Variants in PDE10A observed in about 807,000 individuals in gnomAD.
The protein encoded by PDE10A is cAMP and cAMP-inhibited cGMP 3',5'-cyclic phosphodiesterase 10A.
A neutral mutation model predicts 97.7 loss-of-function variants in PDE10A; 39 were observed. The ratio of observed to expected loss-of-function variants is 0.40; its 90% CI spans 0.31 to 0.52. PDE10A has a LOEUF of 0.52. Among genes scored for constraint, PDE10A ranks in the 20% least tolerant of loss-of-function variants. The pLI is 0.56. For missense variants in PDE10A, 731 were observed against 1,047.8 expected (o/e 0.70, Z 4.17); for synonymous variants, 371 against 376.8 (o/e 0.98, Z 0.18).
intron 1 of PDE10A, among the ~76,000 whole-genome samples, chr6:165,578,366 T>G (rs1465574333): frequency 6.6e-6 from 1 of 152,152 alleles, no homozygotes; most frequent in Non-Finnish European, 1.5e-5. Flanking sequence ...GAAGCACTGT[T>G]GACTGTTACA....
At chr6:165,664,905 TAC>T (rs747664963), upstream of PDE10A, among the ~76,000 whole-genome samples, 3 of 152,232 alleles carry the variant, frequency 2.0e-5, no homozygotes, top group Non-Finnish European at 4.4e-5. Context: ...CAAGAAAATA[TAC>T]ATTTAACTTG....
chr6:165,638,629 A>G (rs979557726), intron 1 of PDE10A, among the ~76,000 whole-genome samples: 2 of 152,212 alleles, frequency 1.3e-5, no homozygotes, highest in African/African-American at 4.8e-5. Context: ...TAAAATTTTA[A>G]AAAAGGATAT....
At chr6:165,869,068 T>C (rs993715854) in intron 1 of PDE10A, among the ~76,000 whole-genome samples, 12 of 152,098 alleles carry the variant, frequency 7.9e-5, no homozygotes, top group African/African-American at 2.9e-4. Flanking sequence ...ATCACCACTC[T>C]TATTCAACAT....
chr6:165,888,615 G>A (rs941882040), intron 1 of PDE10A, among the ~76,000 whole-genome samples: 4 of 152,104 alleles, frequency 2.6e-5, no homozygotes, highest in Admixed American at 1.3e-4. Flanking sequence ...TGCCTTCTGC[G>A]GGAATGTAAC....
At chr6:165,766,041 A>G (rs1777842206) in intron 1 of PDE10A, among the ~76,000 whole-genome samples, 1 of 152,188 alleles carries the variant, frequency 6.6e-6, no homozygotes, top group African/African-American at 2.4e-5. Context: ...GTAAAATACA[A>G]ACAGGTAGAG....
intron 1 of PDE10A, among the ~76,000 whole-genome samples, chr6:165,582,244 T>G (rs1019269720): frequency 6.6e-6 from 1 of 152,174 alleles, no homozygotes; most frequent in Non-Finnish European, 1.5e-5. Context: ...AACAGCATAT[T>G]TCTCTATGTA....
At chr6:165,668,718 AAGAG>A (rs1002287543) in intron 1 of PDE10A, among the ~76,000 whole-genome samples, 24 of 150,406 alleles carry the variant, frequency 1.6e-4, no homozygotes, top group East Asian at 4.0e-4. Flanking sequence ...AAAAGAAAGA[AAGAG>A]AGAGAGAAAG....
intron 1 of PDE10A, among the ~76,000 whole-genome samples, chr6:165,547,362 T>G (rs962895411): frequency 6.6e-6 from 1 of 152,116 alleles, no homozygotes; most frequent in Non-Finnish European, 1.5e-5. Context: ...GACTGAATGA[T>G]CAGGGTAAGT....
At chr6:165,551,657 G>A (rs1583523775) in intron 1 of PDE10A, among the ~76,000 whole-genome samples, 1 of 152,300 alleles carries the variant, frequency 6.6e-6, no homozygotes, top group Non-Finnish European at 1.5e-5. Context: ...AGGCCAGACT[G>A]CCTTGTGTTT....
chr6:165,517,193 T>A (rs142015259), intron 2 of PDE10A, among the ~76,000 whole-genome samples: 101 of 152,274 alleles, frequency 6.6e-4, no homozygotes, highest in African/African-American at 2.4e-3. Flanking sequence ...TTAATTTAAT[T>A]AGAAAACTAG....
intron 1 of PDE10A, among the ~76,000 whole-genome samples, chr6:165,769,598 A>G (rs1777950847): frequency 1.3e-5 from 2 of 152,214 alleles, no homozygotes; most frequent in African/African-American, 4.8e-5. Flanking sequence ...AAATTCAACA[A>G]AAGTTTAATT....
At chr6:165,362,283 C>T (rs1416010349) in intron 18 of PDE10A, among the ~76,000 whole-genome samples, 1 of 151,942 alleles carries the variant, frequency 6.6e-6, no homozygotes, top group African/African-American at 2.4e-5. Context: ...AACTGACAAA[C>T]TTTTAAGCTA....
chr6:165,813,183 T>C (rs540749646), intron 1 of PDE10A, among the ~76,000 whole-genome samples: 1 of 152,302 alleles, frequency 6.6e-6, no homozygotes, highest in South Asian at 2.1e-4. Flanking sequence ...TAGACCTTGG[T>C]CTAGATGAGC....
chr6:165,782,280 A>G (rs1365739408), intron 1 of PDE10A, among the ~76,000 whole-genome samples: 3 of 152,232 alleles, frequency 2.0e-5, no homozygotes, highest in Admixed American at 1.3e-4. Flanking sequence ...TTATTGCTTC[A>G]GAGAAATAGA....
intron 1 of PDE10A, among the ~76,000 whole-genome samples, chr6:165,906,012 CT>C (rs1782259640): frequency 1.1e-4 from 5 of 44,996 alleles, no homozygotes; most frequent in Non-Finnish European, 1.7e-4. Flanking sequence ...TCCTTCCTTC[CT>C]TCCCTCCCTC....
chr6:165,956,631 C>A (rs928639236), intron 1 of PDE10A, among the ~76,000 whole-genome samples: 1 of 152,134 alleles, frequency 6.6e-6, no homozygotes, highest in Non-Finnish European at 1.5e-5. Context: ...TTAAGTTAAA[C>A]CTGTGACAAG....
intron 1 of PDE10A, among the ~76,000 whole-genome samples, chr6:165,770,956 C>A (rs1777993552): frequency 6.6e-6 from 1 of 152,220 alleles, no homozygotes; most frequent in African/African-American, 2.4e-5. Context: ...GGGACCCCTC[C>A]TGTCCCTCTG....
At chr6:165,613,856 T>C (rs1787606987) in intron 1 of PDE10A, among the ~76,000 whole-genome samples, 2 of 152,146 alleles carry the variant, frequency 1.3e-5, no homozygotes, top group South Asian at 4.1e-4. Context: ...GTATCTTATC[T>C]GTCCAACAAA....
At position 165,662,081 on chromosome 6, in the gene PDE10A, G is replaced by A. The variant is rs757059310; in HGVS notation, c.731C>T (p.Thr244Ile). The change falls in exon 1 of 22, where the codon ACT (threonine) becomes ATT (isoleucine). Residue 244 changes from threonine to isoleucine, a missense_variant. Thr to Ile is a moderately conservative substitution (Grantham distance 89, BLOSUM62 -1). Coordinates refer to ENST00000539869, the MANE Select transcript of PDE10A (RefSeq NM_001385079.1). ...GCTGGCGCCCTGGGGACGCCGCGGAGTTTGGCCGCCGCCGCCTGGGCCGGC... is the reference window on the plus strand; with the variant it reads ...GCTGGCGCCCTGGGGACGCCGCGGAATTTGGCCGCCGCCGCCTGGGCCGGC... ...PGAGPGGGGQ[T>I]PRRPQGASFA... 1.6e-6 allele frequency: 2 copies of A among 1,285,652 alleles called. No homozygotes were observed. The highest frequency in any genetic ancestry group is 1.0e-6 in the Non-Finnish European group (1 of 1,004,834). 79.6% of individuals were successfully genotyped at this position (1,285,652 alleles called of 1,614,324 possible).
Sources: allele counts gnomAD v4.1 joint callset (sites outside exome capture counted in the v4.1 genomes callset), GRCh38; gene constraint gnomAD v4.1.1; transcripts MANE v1.5; gene names NCBI Gene and HGNC (gene_info 2026-07-23, HGNC 2026-07-21).